The following NTRK3 variants were observed in gnomAD, a reference collection of about 807,000 sequenced individuals.
The protein encoded by NTRK3 is neurotrophic receptor tyrosine kinase 3.
A neutral mutation model predicts 91.7 loss-of-function variants in NTRK3; 24 were observed. The ratio of observed to expected loss-of-function variants is 0.26; its 90% CI spans 0.19 to 0.37. The LOEUF is 0.37. Among genes scored for constraint, NTRK3 ranks in the 10% least tolerant of loss-of-function variants. NTRK3 has a pLI of 1.00. For synonymous variants in NTRK3, 483 were observed against 404.0 expected, an observed-to-expected ratio of 1.20 and a Z score of -2.34; for missense variants, 880 against 1,068.9, an observed-to-expected ratio of 0.82 and a Z score of 2.46.
chr15:88,225,192 G>T (rs940248635), intron 3 of NTRK3, among the ~76,000 whole-genome samples: 1 of 152,168 alleles, frequency 6.6e-6, no homozygotes, highest in Non-Finnish European at 1.5e-5. Context: ...AAAGGGACGT[G>T]TCAAGGCACC....
chr15:87,918,331 A>C (rs1008360181), intron 17 of NTRK3, among the ~76,000 whole-genome samples: 14 of 152,246 alleles, frequency 9.2e-5, no homozygotes, highest in Non-Finnish European at 1.5e-5. Flanking sequence ...CCTAAGCCAA[A>C]ATAGTTGGCC....
intron 3 of NTRK3, among the ~76,000 whole-genome samples, chr15:88,202,103 T>A (rs2141287350): frequency 6.6e-6 from 1 of 152,250 alleles, no homozygotes; most frequent in African/African-American, 2.4e-5. Context: ...CAAACAGCTG[T>A]TAATAGCCAT....
chr15:87,929,452 G>A lies in NTRK3; in HGVS notation c.1890-18C>T, dbSNP rs754976658. On this transcript the variant is annotated intron_variant, in intron 16 of 18. Coordinates refer to ENST00000394480, the Ensembl canonical transcript of NTRK3. ...CATGGGCCCTGCAAGAGCATGGGGAGAAGAGAGGGGGCAGAGAGAAATCAG... is the reference window on the plus strand; with the variant it reads ...CATGGGCCCTGCAAGAGCATGGGGAAAAGAGAGGGGGCAGAGAGAAATCAG... 3.7e-6 allele frequency: 6 copies of A among 1,612,930 alleles called. No individual in the cohort carries two copies. In the East Asian group the frequency reaches 6.7e-5, roughly 18 times the overall value.
intron 13 of NTRK3, among the ~76,000 whole-genome samples, chr15:88,055,277 GGGA>G (rs1166774231): frequency 6.6e-6 from 1 of 152,146 alleles, no homozygotes; most frequent in Admixed American, 6.6e-5. Flanking sequence ...AAATTAAACT[GGGA>G]GGAGTAGACA....
intron 17 of NTRK3, among the ~76,000 whole-genome samples, chr15:87,922,588 A>G (rs2067967440): frequency 1.3e-5 from 2 of 152,046 alleles, no homozygotes; most frequent in South Asian, 4.1e-4. Flanking sequence ...ACAACACCCC[A>G]CTCAATATTA....
In NTRK3 at chr15:87,876,774, T is replaced by C. The variant is rs575509973; in HGVS notation, c.*161A>G. 5 of 666,006 alleles carry C rather than the reference T, an allele frequency of 7.5e-6. No individual in the cohort carries two copies. The South Asian group carries it at 9.6e-5, about 13-fold the overall frequency. The allele number at this position is 666,006 out of a possible 1,614,324, so 41.3% of individuals were successfully genotyped here. Reference sequence around the variant, plus strand: ...GCCTTACAGGGTTTTTTTTTCTTTCTTTTTTTTTCCTTTTTTCAGTGTTGT... The same window carrying C: ...GCCTTACAGGGTTTTTTTTTCTTTCCTTTTTTTTCCTTTTTTCAGTGTTGT... On this transcript the variant is annotated 3_prime_UTR_variant, in exon 19 of 19. Coordinates refer to ENST00000394480, the Ensembl canonical transcript of NTRK3.
At chr15:88,167,724 C>T (rs1280490582) in intron 5 of NTRK3, among the ~76,000 whole-genome samples, 1 of 152,160 alleles carries the variant, frequency 6.6e-6, no homozygotes, top group Non-Finnish European at 1.5e-5. Flanking sequence ...ACTCCATGTC[C>T]TCCTGCCAGG....
exon 3 of NTRK3, chr15:88,256,023 T>G: frequency 6.2e-7 from 1 of 1,612,626 alleles, no homozygotes; most frequent in Non-Finnish European, 8.5e-7. Context: ...CCGCCGGCAA[T>G]TGATCTCAGT....
intron 5 of NTRK3, among the ~76,000 whole-genome samples, chr15:88,170,715 G>T (rs1003023370): frequency 1.3e-5 from 2 of 152,114 alleles, no homozygotes; most frequent in Non-Finnish European, 2.9e-5. Flanking sequence ...GTAGGCTATG[G>T]ATCAGGGTCC....
At chr15:88,173,627 C>T (rs2045728509) in intron 5 of NTRK3, among the ~76,000 whole-genome samples, 1 of 152,250 alleles carries the variant, frequency 6.6e-6, no homozygotes, top group African/African-American at 2.4e-5. Flanking sequence ...AGGTGCAAAG[C>T]AGGACATGGT....
intron 14 of NTRK3, among the ~76,000 whole-genome samples, chr15:87,945,645 C>T (rs994526928): frequency 1.3e-5 from 2 of 152,038 alleles, no homozygotes; most frequent in African/African-American, 2.4e-5. Context: ...ACACTGACAT[C>T]GCTGGACACA....
At chr15:87,996,450 T>G (rs1328367484) in intron 14 of NTRK3, among the ~76,000 whole-genome samples, 1 of 151,972 alleles carries the variant, frequency 6.6e-6, no homozygotes, top group Admixed American at 6.6e-5. Context: ...AGGTAGAGCT[T>G]ATGCAAATCA....
intron 17 of NTRK3, among the ~76,000 whole-genome samples, chr15:87,898,823 T>TAAAAAAAAAAA (rs34425235): frequency 6.7e-5 from 7 of 103,942 alleles, no homozygotes; most frequent in African/African-American, 2.3e-4. Context: ...CTGTCTCTAC[T>TAAAAAAAAAAA]AAAAAAAAAA....
chr15:88,182,675 A>G (rs1284966955), intron 5 of NTRK3, among the ~76,000 whole-genome samples: 1 of 152,110 alleles, frequency 6.6e-6, no homozygotes, highest in African/African-American at 2.4e-5. Flanking sequence ...GCAGGTTGGC[A>G]CTTCCCCTAA....
chr15:88,007,062 A>G (rs1429179805), intron 14 of NTRK3, among the ~76,000 whole-genome samples: 1 of 152,164 alleles, frequency 6.6e-6, no homozygotes, highest in Non-Finnish European at 1.5e-5. Context: ...ACAAAAATGA[A>G]AAAACCTAGC....
Position 87,963,002 on chromosome 15 carries a change from T to C in NTRK3, c.1586-22249A>G, listed in dbSNP as rs143638523. Among the ~76,000 whole-genome samples the C allele has an allele frequency of 3.3e-5, 5 of 152,298 alleles. No individual in the cohort carries two copies. In the East Asian group the frequency reaches 9.7e-4, roughly 29 times the overall value. Reference sequence around the variant, plus strand: ...TGTGAATGTTGGCAACATCTTGATGTTACCTGAAAAAAGATAATGACCTCT... The same window carrying C: ...TGTGAATGTTGGCAACATCTTGATGCTACCTGAAAAAAGATAATGACCTCT... On this transcript the variant is annotated intron_variant, in intron 14 of 18. Transcript: ENST00000394480.
At chr15:88,212,700 TCACACA>T (rs60620542) in intron 3 of NTRK3, among the ~76,000 whole-genome samples, 4,570 of 145,064 alleles carry the variant, frequency 0.032, 110 homozygotes, top group Non-Finnish European at 0.032. Context: ...GGCTGCTGCA[TCACACA>T]CACACACACA....
At chr15:87,910,259 C>T (rs965866253) in intron 17 of NTRK3, among the ~76,000 whole-genome samples, 22 of 152,166 alleles carry the variant, frequency 1.4e-4, no homozygotes, top group African/African-American at 4.6e-4. Context: ...AAGGTGTGTG[C>T]GTGGATTCAG....
At chr15:88,001,162 T>C (rs1407491335) in intron 14 of NTRK3, among the ~76,000 whole-genome samples, 2 of 152,206 alleles carry the variant, frequency 1.3e-5, no homozygotes, top group Non-Finnish European at 2.9e-5. Context: ...GAAATGTCTA[T>C]TCAAACCATT....
Sources: allele counts gnomAD v4.1 joint callset (sites outside exome capture counted in the v4.1 genomes callset), GRCh38; gene constraint gnomAD v4.1.1; transcripts MANE v1.5; gene names NCBI Gene and HGNC (gene_info 2026-07-23, HGNC 2026-07-21).